Variants in ST3GAL3 observed in about 807,000 individuals in gnomAD.
ST3GAL3 encodes the protein ST3 beta-galactoside alpha-2,3-sialyltransferase 3, also known as CMP-N-acetylneuraminate-beta-1,4-galactoside alpha-2,3-sialyltransferase.
In ST3GAL3, 21 loss-of-function variants were observed where a neutral mutation model predicts 50.1. The observed-to-expected ratio is 0.42, with a 90% confidence interval of 0.30 to 0.60. The LOEUF is 0.60. Ranked by LOEUF, ST3GAL3 falls within the 20% of genes least tolerant of loss-of-function variation. The pLI, the probability that ST3GAL3 is intolerant of heterozygous loss-of-function variation, is 0.19. For missense variants in ST3GAL3, 353 were observed against 489.4 expected, an observed-to-expected ratio of 0.72 and a Z score of 2.63; for synonymous variants, 183 against 190.0, an observed-to-expected ratio of 0.96 and a Z score of 0.30.
intron 3 of ST3GAL3, among the ~76,000 whole-genome samples, chr1:43,795,354 C>T (rs2058566548): frequency 6.6e-6 from 1 of 152,188 alleles, no homozygotes. Flanking sequence ...TCAGAGTCAG[C>T]CTCAAATTAT....
intron 3 of ST3GAL3, among the ~76,000 whole-genome samples, chr1:43,813,909 A>ACGCGCG (rs1457951875): frequency 1.0e-5 from 1 of 99,500 alleles, no homozygotes; most frequent in African/African-American, 5.1e-5. Flanking sequence ...ACACGCACAC[A>ACGCGCG]CACACACACA....
chr1:43,929,893 C>T lies in ST3GAL3; in HGVS notation c.1039-239C>T, dbSNP rs144189378. 43 of 600,656 alleles carry T rather than the reference C, an allele frequency of 7.2e-5. 2 individuals are homozygous for T. The highest frequency in any genetic ancestry group is 2.1e-4 in the South Asian group (13 of 61,674). The allele number at this position is 600,656 out of a possible 1,614,324, so 37.2% of individuals were successfully genotyped here. A position where few individuals can be genotyped will look rare whatever the true frequency, so the allele number is the denominator to read the frequency against. Reference sequence around the variant, plus strand: ...GGGAAGCTTAACGGTTTTCCTGGGACGAGGAAAGGGGTATGAAGGTTCTTT... The same window carrying T: ...GGGAAGCTTAACGGTTTTCCTGGGATGAGGAAAGGGGTATGAAGGTTCTTT... On this transcript the variant is annotated intron_variant, in intron 11 of 11. Transcript: ENST00000347631.
Position 43,844,389 on chromosome 1 carries a change from C to T in ST3GAL3, c.302+6078C>T, listed in dbSNP as rs570017117. ...CTATCCAGAAGTCATCTCATGAGAA[C>T]AAAAGATATTCCTATCACCCAGGAA... On this transcript the variant is annotated intron_variant, in intron 5 of 11. Coordinates refer to ENST00000347631, the MANE Select transcript of ST3GAL3 (RefSeq NM_006279.5). 2.6e-5 allele frequency among the ~76,000 whole-genome samples: 4 copies of T among 152,344 alleles called. No homozygotes were observed. In the South Asian group the frequency reaches 8.3e-4, roughly 32 times the overall value.
chr1:43,884,228 A>T (rs2075614816), intron 5 of ST3GAL3, among the ~76,000 whole-genome samples: 1 of 152,160 alleles, frequency 6.6e-6, no homozygotes, highest in South Asian at 2.1e-4. Context: ...GGCTTGGAAT[A>T]GTACTTGTTG....
chr1:43,908,178 T>C (rs1278910533), intron 9 of ST3GAL3, among the ~76,000 whole-genome samples: 1 of 152,242 alleles, frequency 6.6e-6, no homozygotes, highest in African/African-American at 2.4e-5. Context: ...GACTCTTCAG[T>C]CTCCAGATCT....
intron 5 of ST3GAL3, among the ~76,000 whole-genome samples, chr1:43,861,767 G>A (rs1306361590): frequency 1.3e-5 from 2 of 152,126 alleles, no homozygotes; most frequent in African/African-American, 2.4e-5. Flanking sequence ...AGTGGCTCAC[G>A]CCTGTAATCC....
intron 2 of ST3GAL3, among the ~76,000 whole-genome samples, chr1:43,765,891 C>T (rs1481897821): frequency 1.3e-5 from 2 of 151,178 alleles, no homozygotes; most frequent in Admixed American, 6.6e-5. Context: ...AAACAAGCTC[C>T]TCTTTCCCTC....
At chr1:43,756,167 A>G (rs372414278) in intron 2 of ST3GAL3, among the ~76,000 whole-genome samples, 3 of 151,786 alleles carry the variant, frequency 2.0e-5, no homozygotes, top group East Asian at 3.9e-4. Context: ...AACAAACTTG[A>G]TACATATGAC....
At chr1:43,897,706 T>C (rs2077589359) in intron 6 of ST3GAL3, among the ~76,000 whole-genome samples, 1 of 152,010 alleles carries the variant, frequency 6.6e-6, no homozygotes, top group Non-Finnish European at 1.5e-5. Context: ...GGATTCAGGA[T>C]TGGCAATGTG....
At chr1:43,840,597 C>G (rs978337780) in intron 5 of ST3GAL3, 1 of 152,076 alleles carries the variant, frequency 6.6e-6, no homozygotes, top group Non-Finnish European at 1.5e-5. Flanking sequence ...TTGCACACTC[C>G]CTCCCCTTTT....
chr1:43,882,728 T>A (rs1207715262), intron 5 of ST3GAL3, among the ~76,000 whole-genome samples: 4 of 152,212 alleles, frequency 2.6e-5, no homozygotes, highest in Non-Finnish European at 5.9e-5. Context: ...ATTGTTTAAA[T>A]GAATAGGTGT....
intron 5 of ST3GAL3, chr1:43,839,662 A>G (rs915550205): frequency 6.6e-6 from 1 of 152,236 alleles, no homozygotes; most frequent in Non-Finnish European, 1.5e-5. Flanking sequence ...CATGTCTATG[A>G]AAAAACATCT....
intron 4 of ST3GAL3, among the ~76,000 whole-genome samples, chr1:43,825,271 A>C (rs2062640024): frequency 6.6e-6 from 1 of 152,182 alleles, no homozygotes; most frequent in Non-Finnish European, 1.5e-5. Context: ...TTTGATTCTA[A>C]ATATTGTTTT....
At chr1:43,807,833 G>A (rs1169470476) in intron 3 of ST3GAL3, among the ~76,000 whole-genome samples, 1 of 152,220 alleles carries the variant, frequency 6.6e-6, no homozygotes, top group African/African-American at 2.4e-5. Flanking sequence ...AATTCTCTCA[G>A]GTTTCAAGTT....
chr1:43,735,435 A>G (rs1269574798), intron 1 of ST3GAL3, among the ~76,000 whole-genome samples: 2 of 152,222 alleles, frequency 1.3e-5, no homozygotes, highest in African/African-American at 4.8e-5. Context: ...TCAAAGAGTG[A>G]GAGAGCCTGA....
At chr1:43,887,314 G>A (rs1354204379) in intron 5 of ST3GAL3, among the ~76,000 whole-genome samples, 1 of 152,138 alleles carries the variant, frequency 6.6e-6, no homozygotes, top group Non-Finnish European at 1.5e-5. Flanking sequence ...TAATGTGTGG[G>A]ACAAAAGAAC....
chr1:43,844,612 C>G (rs2065926425), intron 5 of ST3GAL3, among the ~76,000 whole-genome samples: 1 of 152,050 alleles, frequency 6.6e-6, no homozygotes, highest in African/African-American at 2.4e-5. Context: ...GAGATCAAGA[C>G]CATTCTGGCT....
At chr1:43,723,688 T>G (rs1314329851) in intron 1 of ST3GAL3, among the ~76,000 whole-genome samples, 1 of 152,210 alleles carries the variant, frequency 6.6e-6, no homozygotes, top group African/African-American at 2.4e-5. Flanking sequence ...CTCAGCTCAC[T>G]GCAACCTCTG....
At chr1:43,848,200 G>A (rs1031002039) in intron 5 of ST3GAL3, among the ~76,000 whole-genome samples, 2 of 149,858 alleles carry the variant, frequency 1.3e-5, no homozygotes, top group Non-Finnish European at 3.0e-5. Context: ...TCCTTTGTAT[G>A]TAGTATTTCA....
Sources: allele counts gnomAD v4.1 joint callset (sites outside exome capture counted in the v4.1 genomes callset), GRCh38; gene constraint gnomAD v4.1.1; transcripts MANE v1.5; gene names NCBI Gene and HGNC (gene_info 2026-07-23, HGNC 2026-07-21).